The following CSMD1 variants were observed in gnomAD, a reference collection of about 807,000 sequenced individuals.
The protein encoded by CSMD1 is CUB and Sushi multiple domains 1.
A neutral mutation model predicts 417.5 loss-of-function variants in CSMD1; 213 were observed. The ratio of observed to expected loss-of-function variants is 0.51; its 90% CI spans 0.46 to 0.57. The LOEUF (loss-of-function observed/expected upper bound fraction) is 0.57, where lower values mean the gene tolerates loss of function less well. CSMD1 is among the 20% of genes least tolerant of loss of function. CSMD1 has a pLI of 0.00. For synonymous variants in CSMD1, 2,862 were observed against 1,736.8 expected (o/e 1.65, Z -16.11); for missense variants, 6,923 against 4,529.7 (o/e 1.53, Z -15.17).
intron 3 of CSMD1, among the ~76,000 whole-genome samples, chr8:4,289,018 C>G (rs186065828): frequency 6.6e-6 from 1 of 152,244 alleles, no homozygotes; most frequent in East Asian, 1.9e-4. Context: ...TTCAAGCTAT[C>G]TGTTCAAGCA....
At chr8:3,042,882 A>G (rs1457580450) in intron 50 of CSMD1, among the ~76,000 whole-genome samples, 1 of 152,112 alleles carries the variant, frequency 6.6e-6, no homozygotes, top group African/African-American at 2.4e-5. Flanking sequence ...ACTATAGTGA[A>G]TATAGTATAT....
chr8:3,610,492 T>A (rs530961424), intron 8 of CSMD1, among the ~76,000 whole-genome samples: 4 of 38,172 alleles, frequency 1.0e-4, no homozygotes, highest in African/African-American at 3.2e-4. Context: ...CCAGGCTGAG[T>A]GACAAGTAAC....
At chr8:4,048,194 T>A (rs992853395) in intron 3 of CSMD1, among the ~76,000 whole-genome samples, 5 of 152,218 alleles carry the variant, frequency 3.3e-5, no homozygotes, top group South Asian at 2.1e-4. Context: ...GCTGTATGGA[T>A]GTTTTCATAT....
At chr8:4,070,732 A>T (rs1453132375) in intron 3 of CSMD1, among the ~76,000 whole-genome samples, 1 of 152,058 alleles carries the variant, frequency 6.6e-6, no homozygotes, top group Non-Finnish European at 1.5e-5. Context: ...AGCCCGAGCA[A>T]CCATCTCAGC....
intron 12 of CSMD1, among the ~76,000 whole-genome samples, chr8:3,431,739 C>A (rs1814228911): frequency 6.6e-6 from 1 of 152,206 alleles, no homozygotes; most frequent in African/African-American, 2.4e-5. Context: ...TTTACTTTTG[C>A]TCTATCTACA....
chr8:3,362,477 C>G (rs1027840262), intron 20 of CSMD1, among the ~76,000 whole-genome samples: 2 of 152,166 alleles, frequency 1.3e-5, no homozygotes, highest in Non-Finnish European at 2.9e-5. Context: ...TTTCTTAGCT[C>G]CCTGGATGCC....
chr8:4,120,720 T>G (rs1416326579), intron 3 of CSMD1, among the ~76,000 whole-genome samples: 1 of 152,186 alleles, frequency 6.6e-6, no homozygotes, highest in Non-Finnish European at 1.5e-5. Flanking sequence ...CACTCCAGGC[T>G]CATGCAGAGA....
intron 41 of CSMD1, among the ~76,000 whole-genome samples, chr8:3,132,425 C>G (rs1817839983): frequency 6.6e-6 from 1 of 151,900 alleles, no homozygotes; most frequent in Non-Finnish European, 1.5e-5. Flanking sequence ...TTATAAAATA[C>G]TACAATAATG....
chr8:3,444,243 A>T (rs893804495), intron 12 of CSMD1, among the ~76,000 whole-genome samples: 3 of 152,218 alleles, frequency 2.0e-5, no homozygotes, highest in African/African-American at 7.2e-5. Context: ...TCAGGTTTGA[A>T]GCAGAAATTA....
At chr8:3,838,473 T>A (rs779881802) in intron 5 of CSMD1, among the ~76,000 whole-genome samples, 7 of 141,532 alleles carry the variant, frequency 4.9e-5, no homozygotes, top group Non-Finnish European at 9.2e-5. Flanking sequence ...TATATTATAT[T>A]ATATATAGCC....
intron 10 of CSMD1, among the ~76,000 whole-genome samples, chr8:3,568,868 G>C (rs777510242): frequency 6.6e-6 from 1 of 152,016 alleles, no homozygotes; most frequent in Non-Finnish European, 1.5e-5. Context: ...GTAGAAGGTA[G>C]GTCCTTCATG....
intron 5 of CSMD1, among the ~76,000 whole-genome samples, chr8:3,981,419 C>A (rs563569461): frequency 6.7e-6 from 1 of 149,048 alleles, no homozygotes; most frequent in South Asian, 2.1e-4. Flanking sequence ...GATGGGTGCA[C>A]CAGGATCTCA....
At chr8:4,465,403 T>A (rs951376812) in intron 2 of CSMD1, among the ~76,000 whole-genome samples, 3 of 152,160 alleles carry the variant, frequency 2.0e-5, no homozygotes, top group East Asian at 1.9e-4. Context: ...GTCTATTTCA[T>A]CATGCTGAAG....
rs1267582708 is a variant in CSMD1 at position 4,663,644 on chromosome 8, T to C, written c.86-26086A>G. Among the ~76,000 whole-genome samples the C allele has an allele frequency of 3.9e-5, 6 of 152,310 alleles. No homozygotes were observed. The South Asian group carries it at 1.0e-3, about 26-fold the overall frequency. The stretch of plus-strand genomic sequence containing the variant: ...ATGCCTACTTTCCCTTCCACTATGA[T>C]TGTTTTAAGTTCCCTGAGACCTCCC... On this transcript the variant is annotated intron_variant, in intron 1 of 69. Coordinates refer to ENST00000635120, the MANE Select transcript of CSMD1 (RefSeq NM_033225.6).
intron 3 of CSMD1, among the ~76,000 whole-genome samples, chr8:4,177,910 A>G (rs1429642878): frequency 1.3e-5 from 2 of 151,950 alleles, no homozygotes; most frequent in East Asian, 1.9e-4. Flanking sequence ...TAGACCAATA[A>G]CAGGATCTGA....
intron 7 of CSMD1, among the ~76,000 whole-genome samples, chr8:3,633,545 G>C (rs918570868): frequency 6.6e-6 from 1 of 152,132 alleles, no homozygotes; most frequent in Non-Finnish European, 1.5e-5. Flanking sequence ...TATTAGTGGT[G>C]CACGCACGTC....
intron 3 of CSMD1, among the ~76,000 whole-genome samples, chr8:4,388,799 T>A (rs544212408): frequency 2.2e-4 from 34 of 152,338 alleles, no homozygotes; most frequent in Non-Finnish European, 4.1e-4. Context: ...ATCCTCCCAG[T>A]ACCTCTGGAC....
At chr8:4,659,223 T>C (rs1329424627) in intron 1 of CSMD1, among the ~76,000 whole-genome samples, 1 of 151,664 alleles carries the variant, frequency 6.6e-6, no homozygotes, top group African/African-American at 2.4e-5. Context: ...AAAACAGTGC[T>C]CAGAGGAAAT....
chr8:4,369,318 T>A, intron 3 of CSMD1, among the ~76,000 whole-genome samples: 1 of 152,300 alleles, frequency 6.6e-6, no homozygotes, highest in East Asian at 1.9e-4. Context: ...TTGTTATGAA[T>A]TGAATTTTTT....
Sources: gnomAD v4.1 joint callset for allele counts (sites outside exome capture counted in the v4.1 genomes callset) on GRCh38, gnomAD v4.1.1 for gene constraint, MANE v1.5 for transcripts, NCBI Gene and HGNC (gene_info 2026-07-23, HGNC 2026-07-21) for gene names.